Variants in GNA12 observed in about 807,000 individuals in gnomAD.
GNA12 encodes the protein G protein subunit alpha 12.
GNA12 carries 9 observed loss-of-function variants against 26.0 expected under a neutral mutation model. The observed-to-expected ratio is 0.35, with a 90% CI of 0.21 to 0.60. The LOEUF is 0.60. Among genes scored for constraint, GNA12 ranks in the 20% least tolerant of loss-of-function variants. The probability of loss-of-function intolerance (pLI) is 0.78; values close to 1 mark genes in which losing one functional copy is unlikely to be tolerated. For synonymous variants in GNA12, 264 were observed against 219.6 expected (o/e 1.20, Z -1.79); for missense variants, 405 against 525.8 (o/e 0.77, Z 2.25).
At chr7:2,742,579 G>A (rs1038692440) in intron 2 of GNA12, among the ~76,000 whole-genome samples, 1 of 152,158 alleles carries the variant, frequency 6.6e-6, no homozygotes, top group Admixed American at 6.5e-5. Context: ...TCAAAGTGAA[G>A]AAAGCACTGA....
Position 2,761,102 on chromosome 7 carries a change from G to A in GNA12, c.526-27601C>T, listed in dbSNP as rs142881495. On this transcript the variant is annotated intron_variant, in intron 2 of 3. Transcript: ENST00000275364. The stretch of plus-strand genomic sequence containing the variant: ...ATCTCATAGAAAGCATTTCCTACAC[G>A]TCTGGCTCTCGGCTGTGGGGCTCCT... Among the ~76,000 whole-genome samples, 216 of 152,342 alleles carry A rather than the reference G, an allele frequency of 1.4e-3. 1 individual carries two copies. The highest frequency in any genetic ancestry group is 5.0e-3 in the African/African-American group (208 of 41,578).
intron 1 of GNA12, among the ~76,000 whole-genome samples, chr7:2,808,430 A>C (rs1793002852): frequency 6.6e-6 from 1 of 152,242 alleles, no homozygotes; most frequent in Admixed American, 6.5e-5. Flanking sequence ...CTGTCCCTGC[A>C]GGCTGGCCAC....
chr7:2,805,318 T>C (rs776155968), intron 1 of GNA12, among the ~76,000 whole-genome samples: 1 of 152,246 alleles, frequency 6.6e-6, no homozygotes, highest in Non-Finnish European at 1.5e-5. Context: ...CTGCGAGGAA[T>C]AGCATTATGC....
intron 1 of GNA12, among the ~76,000 whole-genome samples, chr7:2,819,778 T>C (rs1793304710): frequency 6.6e-6 from 1 of 152,198 alleles, no homozygotes; most frequent in South Asian, 2.1e-4. Flanking sequence ...AGACGTTATA[T>C]TGGTGGGAAC....
chr7:2,768,810 G>C (rs1447876319), intron 2 of GNA12, among the ~76,000 whole-genome samples: 4 of 150,358 alleles, frequency 2.7e-5, no homozygotes, highest in African/African-American at 9.8e-5. Context: ...TTTAATATGT[G>C]TATATTGTAT....
chr7:2,770,199 C>G (rs989696130), intron 2 of GNA12, among the ~76,000 whole-genome samples: 7 of 152,170 alleles, frequency 4.6e-5, no homozygotes, highest in Admixed American at 1.3e-4. Flanking sequence ...ATACTATAAA[C>G]AGGATAACCA....
At chr7:2,804,934 C>T (rs942350258) in intron 1 of GNA12, among the ~76,000 whole-genome samples, 3 of 151,804 alleles carry the variant, frequency 2.0e-5, no homozygotes, top group East Asian at 1.9e-4. Flanking sequence ...GAAGAGGATA[C>T]GCAGCTAATG....
intron 2 of GNA12, among the ~76,000 whole-genome samples, chr7:2,747,528 A>G (rs1055375069): frequency 6.6e-6 from 1 of 152,224 alleles, no homozygotes; most frequent in Admixed American, 6.5e-5. Context: ...TCTCAAAATA[A>G]TAAGAGCTAT....
At position 2,778,905 on chromosome 7, in the gene GNA12, G is replaced by C. The variant is rs149922327; in HGVS notation, c.525+16023C>G. On this transcript the variant is annotated intron_variant, in intron 2 of 3. Transcript: ENST00000275364. ...GTAAAAGTGGATGGGGAATGGGGTT[G>C]ATACTACCACCCTTTGAAACTTTCA... 2.2e-3 allele frequency among the ~76,000 whole-genome samples: 339 copies of C among 152,298 alleles called. 2 individuals carry two copies. The highest frequency in any genetic ancestry group is 1.9e-3 in the Non-Finnish European group (131 of 68,032).
At chr7:2,753,588 A>G (rs547426629) in intron 2 of GNA12, among the ~76,000 whole-genome samples, 8 of 152,232 alleles carry the variant, frequency 5.3e-5, no homozygotes, top group African/African-American at 1.9e-4. Flanking sequence ...CCATTTACCA[A>G]TCTAGAGACA....
chr7:2,818,933 G>A (rs114234760), intron 1 of GNA12, among the ~76,000 whole-genome samples: 19 of 152,166 alleles, frequency 1.2e-4, no homozygotes, highest in African/African-American at 4.1e-4. Flanking sequence ...CCCGTGGCAC[G>A]GGCAGAATTC....
rs2115333097 is a variant in GNA12 at position 2,742,589 on chromosome 7, A to T, written c.526-9088T>A. Among the ~76,000 whole-genome samples the T allele has an allele frequency of 2.0e-5, 3 of 152,308 alleles. 1 individual carries two copies. In the South Asian group the frequency reaches 6.2e-4, roughly 32 times the overall value. ...GGTGCTCAAAGTGAAGAAAGCACTG[A>T]GTCTCGCCGGCCCTTTGCGTTTCCA... On this transcript the variant is annotated intron_variant, in intron 2 of 3. Coordinates refer to ENST00000275364, the MANE Select transcript of GNA12 (RefSeq NM_007353.3).
intron 1 of GNA12, among the ~76,000 whole-genome samples, chr7:2,799,136 T>C (rs1251200330): frequency 6.6e-6 from 1 of 152,170 alleles, no homozygotes; most frequent in African/African-American, 2.4e-5. Flanking sequence ...TATCAATAAA[T>C]TGAACTTGAT....
chr7:2,794,874 A>C, intron 2 of GNA12, 54 bp downstream of exon 2: 1 of 1,236,318 alleles, frequency 8.1e-7, no homozygotes, highest in Non-Finnish European at 1.2e-6. Context: ...GGTCCAAAAT[A>C]GTCATGTAAA....
At chr7:2,762,914 C>A in intron 2 of GNA12, 1 of 1,415,896 alleles carries the variant, frequency 7.1e-7, no homozygotes, top group South Asian at 1.6e-5. Context: ...GAGAAGAGGC[C>A]ACAGGCGGGG....
intron 2 of GNA12, among the ~76,000 whole-genome samples, chr7:2,753,134 T>C (rs1791117927): frequency 6.6e-6 from 1 of 151,792 alleles, no homozygotes; most frequent in African/African-American, 2.4e-5. Flanking sequence ...GTACTTAAAG[T>C]GAAACCATAC....
At chr7:2,842,282 G>C (rs756034158) in intron 1 of GNA12, among the ~76,000 whole-genome samples, 2 of 152,054 alleles carry the variant, frequency 1.3e-5, no homozygotes, top group South Asian at 2.1e-4. Flanking sequence ...ACGGTACTGA[G>C]AGACTGGAAC....
chr7:2,747,238 T>C (rs1166582107), intron 2 of GNA12, among the ~76,000 whole-genome samples: 1 of 152,198 alleles, frequency 6.6e-6, no homozygotes, highest in Non-Finnish European at 1.5e-5. Flanking sequence ...TTTAGACCAA[T>C]ATCCTTGATG....
chr7:2,774,852 C>T (rs1369392708), intron 2 of GNA12, among the ~76,000 whole-genome samples: 1 of 152,164 alleles, frequency 6.6e-6, no homozygotes, highest in African/African-American at 2.4e-5. Context: ...TGTTACTGAG[C>T]CACCTTCTTA....
Sources: allele counts gnomAD v4.1 joint callset (sites outside exome capture counted in the v4.1 genomes callset), GRCh38; gene constraint gnomAD v4.1.1; transcripts MANE v1.5; gene names NCBI Gene and HGNC (gene_info 2026-07-23, HGNC 2026-07-21).